Variants in HS6ST3 observed in about 807,000 individuals in gnomAD.
The protein encoded by HS6ST3 is heparan-sulfate 6-O-sulfotransferase 3.
A neutral mutation model predicts 36.7 loss-of-function variants in HS6ST3; 12 were observed. That is an observed-to-expected ratio of 0.33 (90% CI 0.21 to 0.53). The LOEUF is 0.53. HS6ST3 is among the 20% of genes least tolerant of loss of function. HS6ST3 has a pLI of 0.95. For missense variants in HS6ST3, 584 were observed against 640.9 expected (o/e 0.91, Z 0.96); for synonymous variants, 240 against 257.5 (o/e 0.93, Z 0.65).
chr13:96,516,471 A>G (rs1446453449), intron 1 of HS6ST3, among the ~76,000 whole-genome samples: 1 of 152,232 alleles, frequency 6.6e-6, no homozygotes, highest in East Asian at 1.9e-4. Flanking sequence ...GTAATTATCA[A>G]TTAAACAGTT....
At chr13:96,729,634 ATT>A (rs142375389) in intron 1 of HS6ST3, among the ~76,000 whole-genome samples, 31 of 146,354 alleles carry the variant, frequency 2.1e-4, no homozygotes, top group African/African-American at 5.3e-4. Context: ...TATTTTTTGT[ATT>A]TTTTTTTTTT....
At chr13:96,114,008 A>C (rs1404613898) in intron 1 of HS6ST3, among the ~76,000 whole-genome samples, 1 of 152,158 alleles carries the variant, frequency 6.6e-6, no homozygotes, top group Non-Finnish European at 1.5e-5. Context: ...TAAATTAAAG[A>C]AGACACAAAA....
intron 1 of HS6ST3, among the ~76,000 whole-genome samples, chr13:96,239,785 A>T (rs1377273188): frequency 6.6e-6 from 1 of 152,214 alleles, no homozygotes; most frequent in Non-Finnish European, 1.5e-5. Flanking sequence ...GGGGGAAGGA[A>T]ATCCTTTAAA....
intron 1 of HS6ST3, among the ~76,000 whole-genome samples, chr13:96,352,487 C>T (rs1404047595): frequency 6.6e-6 from 1 of 152,172 alleles, no homozygotes; most frequent in South Asian, 2.1e-4. Context: ...CCCCAGAGCA[C>T]GCGATCCAAG....
In HS6ST3 at chr13:96,091,269, G is replaced by A. The variant is rs1472337372; in HGVS notation, c.407G>A (p.Arg136His). 7 of 1,611,574 alleles carry A rather than the reference G, an allele frequency of 4.3e-6. No homozygotes were observed. The highest frequency in any genetic ancestry group is 5.9e-6 in the Non-Finnish European group (7 of 1,178,976). ...AACTTCAGCCTGAAGGACCTGACCC[G>A]CTTCGTGGATTTCAACATCAAAGGG... ...RFNFSLKDLT[R>H]FVDFNIKGRD... is the part of the protein sequence containing the mutation. The change falls in exon 1 of 2, where the codon CGC becomes CAC. Residue 136 changes from arginine to histidine, a missense_variant. Arg to His is a conservative substitution (Grantham distance 29). Transcript: ENST00000376705.
At chr13:96,665,502 C>T (rs2056660697) in intron 1 of HS6ST3, among the ~76,000 whole-genome samples, 1 of 152,108 alleles carries the variant, frequency 6.6e-6, no homozygotes, top group African/African-American at 2.4e-5. Context: ...TTAGGGACAG[C>T]TCACTGAAAA....
chr13:96,260,942 G>A (rs1306142092), intron 1 of HS6ST3, among the ~76,000 whole-genome samples: 1 of 152,086 alleles, frequency 6.6e-6, no homozygotes, highest in African/African-American at 2.4e-5. Flanking sequence ...GCCTGTCCTG[G>A]ATTTTCTTAT....
intron 1 of HS6ST3, among the ~76,000 whole-genome samples, chr13:96,730,983 C>T (rs1229436758): frequency 1.3e-5 from 2 of 152,172 alleles, no homozygotes; most frequent in South Asian, 2.1e-4. Flanking sequence ...CCTCCTGACT[C>T]AGCCTCCCGA....
At chr13:96,488,776 G>A (rs753806456) in intron 1 of HS6ST3, among the ~76,000 whole-genome samples, 9 of 151,774 alleles carry the variant, frequency 5.9e-5, no homozygotes, top group Non-Finnish European at 1.3e-4. Flanking sequence ...AAATATTCTT[G>A]GTCACTTTGA....
At chr13:96,737,404 T>C (rs1403413033) in intron 1 of HS6ST3, among the ~76,000 whole-genome samples, 2 of 151,406 alleles carry the variant, frequency 1.3e-5, no homozygotes, top group Non-Finnish European at 2.9e-5. Flanking sequence ...GGCGGGTGGA[T>C]CATGAGGTCA....
rs1454452168 is a variant in HS6ST3 at position 96,779,788 on chromosome 13, AT to A, written c.708-52700del. Among the ~76,000 whole-genome samples, 6 of 145,072 alleles carry A rather than the reference AT, an allele frequency of 4.1e-5. No homozygotes were observed. In the East Asian group the frequency reaches 1.2e-3, roughly 30 times the overall value. ...TTTACTTAAAAAAAAAAAAAAAAAC[AT>A]TGTTCTTATTTATAATGCTTATATT... On this transcript the variant is annotated intron_variant, in intron 1 of 1. Transcript: ENST00000376705.
chr13:96,799,362 T>C (rs902714167), intron 1 of HS6ST3, among the ~76,000 whole-genome samples: 3 of 152,024 alleles, frequency 2.0e-5, no homozygotes, highest in Non-Finnish European at 2.9e-5. Context: ...TGATGGCCAG[T>C]GATGGTGAGG....
rs1222696250 is a variant in HS6ST3, at chr13:96,330,812, A to G, written c.707+239243A>G. On this transcript the variant is annotated intron_variant, in intron 1 of 1. Transcript: ENST00000376705. ...TGGTTCCATTCTCCCCATCACTTTC[A>G]GGTACACCAATCAGATGTAGATTTG... Among the ~76,000 whole-genome samples, 490 of 150,948 alleles carry G rather than the reference A, an allele frequency of 3.2e-3. 2 individuals carry two copies. The highest frequency in any genetic ancestry group is 0.011 in the African/African-American group (465 of 40,998).
intron 1 of HS6ST3, among the ~76,000 whole-genome samples, chr13:96,338,369 C>T (rs1232152102): frequency 6.6e-6 from 1 of 152,146 alleles, no homozygotes; most frequent in Non-Finnish European, 1.5e-5. Context: ...GAAGGGGACC[C>T]TGGGGCTCAC....
At chr13:96,163,316 G>A (rs749433611) in intron 1 of HS6ST3, among the ~76,000 whole-genome samples, 1 of 134,518 alleles carries the variant, frequency 7.4e-6, no homozygotes, top group African/African-American at 2.8e-5. Context: ...TGCAAGCTCC[G>A]CCCCCCGGGT....
chr13:96,440,869 A>G (rs2055667466), intron 1 of HS6ST3, among the ~76,000 whole-genome samples: 2 of 152,196 alleles, frequency 1.3e-5, no homozygotes, highest in Admixed American at 6.5e-5. Context: ...TTTCTCCAGC[A>G]TTTATTGCTA....
At chr13:96,356,595 C>G (rs2055211533) in intron 1 of HS6ST3, among the ~76,000 whole-genome samples, 1 of 152,072 alleles carries the variant, frequency 6.6e-6, no homozygotes, top group Non-Finnish European at 1.5e-5. Context: ...AGCAGTAGGT[C>G]TCAACAATAG....
intron 1 of HS6ST3, among the ~76,000 whole-genome samples, chr13:96,768,605 G>A (rs1029695393): frequency 3.3e-5 from 5 of 152,190 alleles, no homozygotes; most frequent in Admixed American, 6.5e-5. Context: ...TTCCTGCCAC[G>A]TAAACTGCAA....
intron 1 of HS6ST3, among the ~76,000 whole-genome samples, chr13:96,291,582 G>A (rs893831615): frequency 6.6e-6 from 1 of 152,150 alleles, no homozygotes; most frequent in African/African-American, 2.4e-5. Context: ...AAAAAACATG[G>A]ATGATCCTGA....
Sources: allele counts gnomAD v4.1 joint callset (sites outside exome capture counted in the v4.1 genomes callset), GRCh38; gene constraint gnomAD v4.1.1; transcripts MANE v1.5; gene names NCBI Gene and HGNC (gene_info 2026-07-23, HGNC 2026-07-21).